Variants in ITGB7 observed in about 807,000 individuals in gnomAD.
ITGB7 encodes integrin subunit beta 7, also known as integrin beta-7.
A neutral mutation model predicts 83.4 loss-of-function variants in ITGB7; 55 were observed. That is an observed-to-expected ratio of 0.66 (90% CI 0.53 to 0.83). The LOEUF is 0.83. Ranked by LOEUF, ITGB7 falls within the 40% of genes least tolerant of loss-of-function variation. The pLI is 0.00. For missense variants in ITGB7, 921 were observed against 1,046.7 expected, an observed-to-expected ratio of 0.88 and a Z score of 1.66; for synonymous variants, 454 against 423.6, an observed-to-expected ratio of 1.07 and a Z score of -0.88.
chr12:53,193,453 CAA>C, intron 11 of ITGB7, 90 bp from the exon 12 acceptor site: 1 of 982,404 alleles, frequency 1.0e-6, no homozygotes, highest in South Asian at 1.8e-5. Flanking sequence ...CCCAAGTTCT[CAA>C]AAGAGTTGGA....
At position 53,193,166 on chromosome 12, in the gene ITGB7, T is replaced by A. The variant is rs1458687964; in HGVS notation, c.1700A>T (p.Glu567Val). 2 of 1,612,952 alleles carry A rather than the reference T, an allele frequency of 1.2e-6. No homozygotes were observed. The highest frequency in any genetic ancestry group is 2.2e-5 in the South Asian group (2 of 91,026). Reference protein sequence around the residue: ...HLCECDDASCERHEGILCGGF... With the variant: ...HLCECDDASCVRHEGILCGGF... ...TCCGCAGAGGATGCCCTCATGTCGC[T>A]CACAGCTGGCATCGTCACACTCGCA... is the stretch of plus-strand genomic sequence containing the variant. The change falls in exon 12 of 16, where the codon GAG becomes GTG. Residue 567 changes from glutamate (E) to valine (V), a missense_variant. Physicochemically the swap from Glu to Val is moderately radical, Grantham distance 121. Transcript: ENST00000267082.
chr12:53,201,815 A>G (rs1194297228), intron 1 of ITGB7, among the ~76,000 whole-genome samples: 1 of 152,196 alleles, frequency 6.6e-6, no homozygotes, highest in Non-Finnish European at 1.5e-5. Flanking sequence ...GTGAGAAGAC[A>G]GCTTGAACCC....
At position 53,203,452 on chromosome 12, in the gene ITGB7, G is replaced by A. The variant is rs549160053; in HGVS notation, c.-126-2258C>T. Among the ~76,000 whole-genome samples the A allele has an allele frequency of 8.5e-4, 129 of 151,460 alleles. 1 individual carries two copies. Among genetic ancestry groups the A allele is most frequent in the Middle Eastern group, 3.4e-3 (1 of 292 alleles). On this transcript the variant is annotated intron_variant, in intron 1 of 15. Coordinates refer to ENST00000267082, the MANE Select transcript of ITGB7 (RefSeq NM_000889.3). ...CACTTGAGGTCAGGAGTTCAAGACC[G>A]GCCTGGGCAACATGGTGAAACCCCA...
chr12:53,194,507 G>A lies in ITGB7; in HGVS notation c.1162-163C>T, dbSNP rs551044155. 8.4e-5 allele frequency: 54 copies of A among 641,940 alleles called. No individual in the cohort carries two copies. In the East Asian group the frequency reaches 1.4e-3, roughly 16 times the overall value. 39.8% of individuals were successfully genotyped at this position (641,940 alleles called of 1,614,324 possible). A position where few individuals can be genotyped will look rare whatever the true frequency, so the allele number is the denominator to read the frequency against. ...CGAGGCATTTCTGGAGGGAGGACCC[G>A]TGAGAACCTTGCATAGAACATACAG... On this transcript the variant is annotated intron_variant, in intron 9 of 15. Coordinates refer to ENST00000267082, the MANE Select transcript of ITGB7 (RefSeq NM_000889.3).
rs546943449 is a variant in ITGB7 at position 53,195,903 on chromosome 12, AAGG to A, written c.975+135_975+137del. The stretch of plus-strand genomic sequence containing the variant: ...AAAGGTGTCCTGTCTCGGCAGCTGA[AAGG>A]AGGAACTGCTGGAGAAGATGGCAGG... On this transcript the variant is annotated intron_variant, in intron 7 of 15. Transcript: ENST00000267082. The A allele has an allele frequency of 3.1e-4, 334 of 1,087,274 alleles. 5 individuals carry two copies. The South Asian group carries it at 4.2e-3, about 14-fold the overall frequency. 67.4% of individuals were successfully genotyped at this position (1,087,274 alleles called of 1,614,324 possible). A position where few individuals can be genotyped will look rare whatever the true frequency, so the allele number is the denominator to read the frequency against.
intron 5 of ITGB7, 182 bp from the exon 6 acceptor site, chr12:53,197,002 G>A (rs867266003): frequency 1.7e-5 from 11 of 656,960 alleles, no homozygotes; most frequent in South Asian, 8.0e-5. Flanking sequence ...GAAGTGGCAG[G>A]TAGAAGACAT....
rs1565705696 is a variant in ITGB7, at chr12:53,197,971, GC to G, written c.202-21del. ...GAAGTTCTGCTCAGCAAGAAAAGGC[GC>G]GTCGGGACCCGGTCCTGCATAGGCC... On this transcript the variant is annotated intron_variant, in intron 3 of 15. Coordinates refer to ENST00000267082, the MANE Select transcript of ITGB7 (RefSeq NM_000889.3). 4 of 1,526,304 alleles carry G rather than the reference GC, an allele frequency of 2.6e-6. No individual in the cohort carries two copies. Among genetic ancestry groups the G allele is most frequent in the Non-Finnish European group, 3.5e-6 (4 of 1,142,074 alleles). The allele number at this position is 1,526,304 out of a possible 1,614,324, so 94.5% of individuals were successfully genotyped here.
chr12:53,192,625 A>C, intron 13 of ITGB7, 66 bp downstream of exon 13: 2 of 1,595,856 alleles, frequency 1.3e-6, no homozygotes, highest in South Asian at 2.2e-5. Flanking sequence ...GAGAGTAGGC[A>C]GATGGGAGTA....
At position 53,192,853 on chromosome 12, in the gene ITGB7, G is replaced by C. The variant is rs761872611; in HGVS notation, c.1784C>G (p.Ala595Gly). Residue 595 changes from alanine to glycine, a missense_variant, in exon 13 of 16, where the codon GCA (alanine) becomes GGA (glycine). Physicochemically the swap from Ala to Gly is moderately conservative, Grantham distance 60. Coordinates refer to ENST00000267082, the MANE Select transcript of ITGB7 (RefSeq NM_000889.3). ...GTCCATGTCCCCACTGCATTCGCAT[G>C]CTCTGCCCGTGCGGTTGGCATGACA... ...CHCHANRTGR[A>G]CECSGDMDSC... The C allele has an allele frequency of 1.7e-5, 28 of 1,614,212 alleles. No homozygotes were observed. The South Asian group carries it at 2.7e-4, about 16-fold the overall frequency.
At position 53,192,039 on chromosome 12, in the gene ITGB7, C is replaced by G. The variant is rs2120391148; in HGVS notation, c.2156-20G>C. The G allele has an allele frequency of 1.2e-6, 2 of 1,608,178 alleles. No homozygotes were observed. The highest frequency in any genetic ancestry group is 2.2e-5 in the East Asian group (1 of 44,744). On this transcript the variant is annotated intron_variant, in intron 14 of 15. Transcript: ENST00000267082. ...CTCCCTCTGTGAACAAGAAACCAGACACACTTGTGGGAGCTGGAGCATAGG... is the reference window on the plus strand; with the variant it reads ...CTCCCTCTGTGAACAAGAAACCAGAGACACTTGTGGGAGCTGGAGCATAGG...
At chr12:53,197,294 G>A in intron 5 of ITGB7, 199 bp downstream of exon 5, 1 of 663,186 alleles carries the variant, frequency 1.5e-6, no homozygotes, top group South Asian at 1.7e-5. Context: ...AAAACGGATA[G>A]TCTCTTGAGT....
In ITGB7 at chr12:53,195,461, CTCCTGAGTTTTGGGG is replaced by C; in HGVS notation, c.1072-13_1073del. On this transcript the variant is annotated splice_acceptor_variant and splice_polypyrimidine_tract_variant and coding_sequence_variant and intron_variant, in exon 9 of 16. Transcript: ENST00000267082. LOFTEE classifies it high-confidence loss of function. ...CAGACTTAGGAATCAGTTTACTCAG[CTCCTGAGTTTTGGGG>C]AGTTAAGGGAAATGGTGGGTCACAG... The C allele has an allele frequency of 2.5e-6, 4 of 1,612,960 alleles. No homozygotes were observed. The highest frequency in any genetic ancestry group is 3.4e-6 in the Non-Finnish European group (4 of 1,178,976).
chr12:53,194,482 C>T (rs914289468), intron 9 of ITGB7, 138 bp from the exon 10 acceptor site: 13 of 797,326 alleles, frequency 1.6e-5, no homozygotes, highest in Non-Finnish European at 2.2e-5. Flanking sequence ...TCTGCCCAGT[C>T]GAGGCATTTC....
chr12:53,194,639 G>GC (rs1461210253), intron 9 of ITGB7: 4 of 327,742 alleles, frequency 1.2e-5, no homozygotes, highest in Admixed American at 1.2e-4. Flanking sequence ...TGTTTGTGAA[G>GC]CCCCACATCA....
In ITGB7 at chr12:53,194,233, G is replaced by C. The variant is rs756979644; in HGVS notation, c.1273C>G (p.Arg425Gly). Reference sequence around the variant, plus strand: ...ATTCGGACGTGGTTGCACTGTCCTCGATCCTCAGCCTTACCCTCCCTCTTC... The same window carrying C: ...ATTCGGACGTGGTTGCACTGTCCTCCATCCTCAGCCTTACCCTCCCTCTTC... ...PEKREGKAEDRGQCNHVRINQ... is the reference protein window; with the variant it reads ...PEKREGKAEDGGQCNHVRINQ... The change falls in exon 10 of 16, where the codon CGA (arginine) becomes GGA (glycine). Residue 425 changes from arginine to glycine, a missense_variant. Arg to Gly is a moderately radical substitution (Grantham distance 125). Coordinates refer to ENST00000267082, the MANE Select transcript of ITGB7 (RefSeq NM_000889.3). The C allele has an allele frequency of 6.8e-6, 11 of 1,613,842 alleles. No homozygotes were observed. The highest frequency in any genetic ancestry group is 3.3e-5 in the Admixed American group (2 of 59,970).
intron 14 of ITGB7, 42 bp downstream of exon 14, chr12:53,192,288 C>A: frequency 6.3e-7 from 1 of 1,582,516 alleles, no homozygotes. Context: ...TGAGACCCTG[C>A]CCATCAAACT....
intron 9 of ITGB7, chr12:53,195,070 A>C: frequency 2.9e-6 from 1 of 344,334 alleles, no homozygotes; most frequent in East Asian, 5.2e-5. Context: ...GGCAGGGTTA[A>C]ATGAAGTAGC....
At position 53,197,760 on chromosome 12, in the gene ITGB7, C is replaced by G. The variant is rs576462876; in HGVS notation, c.393G>C (p.Thr131=). ...TQLAPQRVRV[T]LRPGEPQQLQ... ...CCTCCCCTAACTCACCAGGCCGCAGCGTGACCCGGACCCGCTGCGGCGCCA... is the reference window on the plus strand; with the variant it reads ...CCTCCCCTAACTCACCAGGCCGCAGGGTGACCCGGACCCGCTGCGGCGCCA... The change falls in exon 4 of 16, where the codon ACG becomes ACC. Residue 131 remains threonine (T), a synonymous_variant. Transcript: ENST00000267082. 33 of 1,574,078 alleles carry G rather than the reference C, an allele frequency of 2.1e-5. No individual in the cohort carries two copies. The highest frequency in any genetic ancestry group is 2.8e-5 in the Non-Finnish European group (32 of 1,161,916).
rs757773026 is a variant in ITGB7 at position 53,191,888 on chromosome 12, TCTC to T, written c.2284_2286del (p.Glu762del). The T allele has an allele frequency of 1.2e-6, 2 of 1,612,266 alleles. No homozygotes were observed. On this transcript the variant is annotated inframe_deletion, in exon 15 of 16. Coordinates refer to ENST00000267082, the MANE Select transcript of ITGB7 (RefSeq NM_000889.3). ...TTCCAGTTGAGTTGTTGCTGCTCCT[TCTC>T]AAAGCGACTGTATTCCCGGCGGTCA...
Sources: allele counts gnomAD v4.1 joint callset (sites outside exome capture counted in the v4.1 genomes callset), GRCh38; gene constraint gnomAD v4.1.1; transcripts MANE v1.5; gene names NCBI Gene and HGNC (gene_info 2026-07-23, HGNC 2026-07-21).